Variants in MRPS28 observed in about 807,000 individuals in gnomAD.
MRPS28 encodes the protein small ribosomal subunit protein bS1m.
Under a neutral mutation model 10.8 loss-of-function variants are expected in MRPS28, and 7 were observed. The ratio of observed to expected loss-of-function variants is 0.65; its 90% CI spans 0.37 to 1.22. MRPS28 has a LOEUF of 1.22. Among genes scored for constraint, MRPS28 ranks in the 50% most tolerant of loss-of-function variants. MRPS28 has a pLI of 0.02. For synonymous variants in MRPS28, 121 were observed against 93.3 expected, an observed-to-expected ratio of 1.30 and a Z score of -1.71; for missense variants, 265 against 232.9, an observed-to-expected ratio of 1.14 and a Z score of -0.90.
intron 1 of MRPS28, among the ~76,000 whole-genome samples, chr8:80,016,249 A>G (rs1467021773): frequency 6.6e-6 from 1 of 152,160 alleles, no homozygotes; most frequent in African/African-American, 2.4e-5. Flanking sequence ...TATCATTTTC[A>G]AACTACAGAA....
intron 2 of MRPS28, among the ~76,000 whole-genome samples, chr8:79,964,649 C>T (rs1279302777): frequency 6.6e-6 from 1 of 151,954 alleles, no homozygotes; most frequent in African/African-American, 2.4e-5. Context: ...AAATGCTCGC[C>T]CATTTCTTTA....
intron 1 of MRPS28, among the ~76,000 whole-genome samples, chr8:80,011,381 CTT>C (rs1331296409): frequency 1.4e-5 from 2 of 142,448 alleles, no homozygotes; most frequent in Admixed American, 7.3e-5. Context: ...TTCCTCTGTT[CTT>C]TTTCTTCTTT....
intron 2 of MRPS28, among the ~76,000 whole-genome samples, chr8:79,990,697 A>C (rs1388941557): frequency 6.6e-6 from 1 of 152,076 alleles, no homozygotes; most frequent in Non-Finnish European, 1.5e-5. Flanking sequence ...GATTAGGAGA[A>C]AGTCACTGTG....
At chr8:79,928,455 A>ATATATATT (rs561844055) in intron 2 of MRPS28, among the ~76,000 whole-genome samples, 1 of 151,566 alleles carries the variant, frequency 6.6e-6, no homozygotes, top group African/African-American at 2.4e-5. Flanking sequence ...ATATATATAT[A>ATATATATT]TTTTTTGAGA....
chr8:79,932,773 C>T (rs890040073), intron 2 of MRPS28, among the ~76,000 whole-genome samples: 114 of 152,280 alleles, frequency 7.5e-4, no homozygotes, highest in Non-Finnish European at 1.5e-4. Context: ...TGTGCTGGCA[C>T]GCCACATTCC....
chr8:79,957,425 G>C (rs1807248975), intron 2 of MRPS28: 1 of 151,738 alleles, frequency 6.6e-6, no homozygotes, highest in African/African-American at 2.4e-5. Flanking sequence ...TATAAGACCA[G>C]AGCCATGTGT....
intron 1 of MRPS28, among the ~76,000 whole-genome samples, chr8:80,011,774 C>CA (rs997703257): frequency 5.3e-5 from 8 of 151,778 alleles, no homozygotes; most frequent in African/African-American, 1.7e-4. Flanking sequence ...AAAACAAAAA[C>CA]AAAAAACAAA....
In MRPS28 at chr8:79,964,252, T is replaced by C. The variant is rs1354213774; in HGVS notation, c.395+38747A>G. 3.3e-5 allele frequency among the ~76,000 whole-genome samples: 5 copies of C among 152,120 alleles called. No individual in the cohort carries two copies. The East Asian group carries it at 9.6e-4, about 29-fold the overall frequency. ...AGTGGCTTTGCTTGTTGTGTGTATA[T>C]TAATATCATATTGTCCCAAGCACAT... is the stretch of plus-strand genomic sequence containing the variant. On this transcript the variant is annotated intron_variant, in intron 2 of 2. Transcript: ENST00000276585.
chr8:80,012,446 G>C (rs933390959), intron 1 of MRPS28, among the ~76,000 whole-genome samples: 1 of 152,158 alleles, frequency 6.6e-6, no homozygotes, highest in African/African-American at 2.4e-5. Context: ...GTTCACTACA[G>C]GGAGTCCTGT....
intron 2 of MRPS28, among the ~76,000 whole-genome samples, chr8:79,935,146 A>G (rs2129910871): frequency 6.6e-6 from 1 of 152,346 alleles, no homozygotes; most frequent in African/African-American, 2.4e-5. Context: ...TGAAAATCAC[A>G]GTAATCCAAC....
At chr8:80,003,336 C>A (rs1808714867) in intron 1 of MRPS28, among the ~76,000 whole-genome samples, 156 bp from the exon 2 acceptor site, 1 of 152,228 alleles carries the variant, frequency 6.6e-6, no homozygotes, top group Non-Finnish European at 1.5e-5. Context: ...TCAACTTCCT[C>A]TTCCATCCTT....
At chr8:79,973,331 C>A (rs1228919230) in intron 2 of MRPS28, among the ~76,000 whole-genome samples, 5 of 152,114 alleles carry the variant, frequency 3.3e-5, no homozygotes, top group African/African-American at 9.7e-5. Flanking sequence ...CTGTGTTGCA[C>A]AGGCTGGAGT....
chr8:79,993,135 A>AG (rs1808411081), intron 2 of MRPS28, among the ~76,000 whole-genome samples: 1 of 152,234 alleles, frequency 6.6e-6, no homozygotes, highest in Non-Finnish European at 1.5e-5. Context: ...GTAGGTCACT[A>AG]GAACTACAGC....
chr8:79,958,788 T>C (rs902092517), intron 2 of MRPS28, among the ~76,000 whole-genome samples: 1 of 152,178 alleles, frequency 6.6e-6, no homozygotes, highest in Admixed American at 6.6e-5. Flanking sequence ...TCTTATGTCT[T>C]GTGAGAAATG....
intron 2 of MRPS28, among the ~76,000 whole-genome samples, chr8:79,990,138 G>T (rs1041872451): frequency 6.6e-6 from 1 of 152,178 alleles, no homozygotes; most frequent in South Asian, 2.1e-4. Flanking sequence ...TCCAACCTGG[G>T]TGACAGAGTG....
intron 2 of MRPS28, among the ~76,000 whole-genome samples, chr8:79,982,147 T>C (rs1807975162): frequency 6.6e-6 from 1 of 152,036 alleles, no homozygotes; most frequent in African/African-American, 2.4e-5. Context: ...CTCAGGAAGC[T>C]GAGGCAGGAG....
intron 2 of MRPS28, among the ~76,000 whole-genome samples, chr8:79,995,281 A>C (rs1808471935): frequency 6.6e-6 from 1 of 152,212 alleles, no homozygotes; most frequent in South Asian, 2.1e-4. Flanking sequence ...TCATAAAATA[A>C]GCAGCTTATT....
At chr8:79,963,547 C>T (rs142232419) in intron 2 of MRPS28, among the ~76,000 whole-genome samples, 12 of 152,188 alleles carry the variant, frequency 7.9e-5, no homozygotes, top group African/African-American at 1.4e-4. Flanking sequence ...TTCTCTCATT[C>T]GCAACTTCGA....
intron 2 of MRPS28, among the ~76,000 whole-genome samples, chr8:79,936,259 C>A (rs979917229): frequency 6.6e-6 from 1 of 151,614 alleles, no homozygotes; most frequent in African/African-American, 2.4e-5. Flanking sequence ...CCCAGGAGTT[C>A]GAGTTCATAC....
Sources: gnomAD v4.1 joint callset for allele counts (sites outside exome capture counted in the v4.1 genomes callset) on GRCh38, gnomAD v4.1.1 for gene constraint, MANE v1.5 for transcripts, NCBI Gene and HGNC (gene_info 2026-07-23, HGNC 2026-07-21) for gene names.